STPG2: variants seen among roughly 807,000 people sequenced by gnomAD.
STPG2 encodes sperm tail PG-rich repeat containing 2.
In STPG2, 56 loss-of-function variants were observed where a neutral mutation model predicts 54.2. The observed-to-expected ratio is 1.03, with a 90% confidence interval of 0.83 to 1.29. The LOEUF (loss-of-function observed/expected upper bound fraction) is 1.29, where lower values mean the gene tolerates loss of function less well. Ranked by LOEUF, STPG2 falls within the 50% of genes most tolerant of loss-of-function variation. STPG2 has a pLI of 0.00. For synonymous variants in STPG2, 200 were observed against 181.8 expected (o/e 1.10, Z -0.81); for missense variants, 596 against 544.9 (o/e 1.09, Z -0.93).
chr4:97,887,260 C>T (rs565613136), intron 8 of STPG2, among the ~76,000 whole-genome samples: 35 of 152,190 alleles, frequency 2.3e-4, no homozygotes, highest in African/African-American at 7.9e-4. Flanking sequence ...CACAAGGAGA[C>T]AGGAAGATGA....
intron 9 of STPG2, among the ~76,000 whole-genome samples, chr4:97,757,936 T>C (rs1725780670): frequency 6.6e-6 from 1 of 152,198 alleles, no homozygotes; most frequent in African/African-American, 2.4e-5. Context: ...AAATTTCTGC[T>C]TTACAAAGTT....
At chr4:97,839,085 A>T (rs1190363242) in intron 9 of STPG2, among the ~76,000 whole-genome samples, 1 of 151,606 alleles carries the variant, frequency 6.6e-6, no homozygotes, top group African/African-American at 2.4e-5. Context: ...AAATGAATAC[A>T]TTTCCCTTAC....
intron 10 of STPG2, among the ~76,000 whole-genome samples, chr4:97,638,539 C>T (rs1250345789): frequency 1.3e-5 from 2 of 151,556 alleles, no homozygotes; most frequent in Non-Finnish European, 2.9e-5. Context: ...AAAGAAACTA[C>T]CATCAGAGTG....
intron 10 of STPG2, among the ~76,000 whole-genome samples, chr4:97,704,532 A>G (rs1723882347): frequency 6.6e-6 from 1 of 152,200 alleles, no homozygotes; most frequent in Admixed American, 6.6e-5. Flanking sequence ...TGTCAGAAGA[A>G]ATGAAGGAAA....
chr4:97,921,618 AACCT>A (rs1230878393), intron 8 of STPG2, among the ~76,000 whole-genome samples: 10 of 152,022 alleles, frequency 6.6e-5, no homozygotes, highest in Admixed American at 1.3e-4. Flanking sequence ...GAAAGCAAAA[AACCT>A]ACAAGACATA....
chr4:98,139,385 T>G (rs1417600530), intron 1 of STPG2, among the ~76,000 whole-genome samples: 1 of 152,132 alleles, frequency 6.6e-6, no homozygotes, highest in African/African-American at 2.4e-5. Flanking sequence ...TATCTAAGGC[T>G]CTAAGGTCTT....
At chr4:98,141,877 GC>G (rs1740291422) in intron 1 of STPG2, among the ~76,000 whole-genome samples, 1 of 143,116 alleles carries the variant, frequency 7.0e-6, no homozygotes, top group African/African-American at 2.7e-5. Flanking sequence ...CCCTGATTCG[GC>G]ATTTAACAAA....
rs572238212 is a variant in STPG2, at chr4:98,010,981, T to C, written c.613-29663A>G. On this transcript the variant is annotated intron_variant, in intron 5 of 10. Transcript: ENST00000295268. Reference sequence around the variant, plus strand: ...TGTAATTTTTTTATTTGACTTTAAGTTCTGGGATACATGTGCAGAACGTGC... The same window carrying C: ...TGTAATTTTTTTATTTGACTTTAAGCTCTGGGATACATGTGCAGAACGTGC... 3.3e-5 allele frequency among the ~76,000 whole-genome samples: 5 copies of C among 152,294 alleles called. No individual in the cohort carries two copies. The South Asian group carries it at 8.3e-4, about 25-fold the overall frequency.
intron 5 of STPG2, among the ~76,000 whole-genome samples, chr4:98,097,897 A>C (rs1738908815): frequency 1.3e-5 from 2 of 152,204 alleles, no homozygotes; most frequent in African/African-American, 4.8e-5. Flanking sequence ...TTGAATACCT[A>C]GGAATTAACT....
chr4:97,958,794 G>A (rs537958143), intron 7 of STPG2, among the ~76,000 whole-genome samples: 10 of 152,194 alleles, frequency 6.6e-5, no homozygotes, highest in South Asian at 2.1e-4. Flanking sequence ...AGTACTTCAC[G>A]CACAGCACTA....
intron 7 of STPG2, among the ~76,000 whole-genome samples, chr4:97,968,027 G>C (rs1408757193): frequency 2.0e-5 from 3 of 151,998 alleles, no homozygotes; most frequent in Non-Finnish European, 4.4e-5. Flanking sequence ...AACTGAAGGA[G>C]AGAGAGAAAC....
intron 3 of STPG2, among the ~76,000 whole-genome samples, chr4:98,111,994 C>A (rs1224124146): frequency 1.3e-5 from 2 of 151,958 alleles, no homozygotes; most frequent in Non-Finnish European, 2.9e-5. Flanking sequence ...CATCAGCTCC[C>A]GTGGTTCTCA....
chr4:98,037,815 A>C (rs1053243610), intron 5 of STPG2, among the ~76,000 whole-genome samples: 1 of 152,136 alleles, frequency 6.6e-6, no homozygotes, highest in Non-Finnish European at 1.5e-5. Context: ...TTCATAAGAA[A>C]ATACAGATTT....
chr4:98,084,588 A>G (rs1560671856), intron 5 of STPG2, among the ~76,000 whole-genome samples: 1 of 152,168 alleles, frequency 6.6e-6, no homozygotes. Flanking sequence ...ATGTATGAAG[A>G]GTTCTAGTTG....
chr4:97,456,171 A>G (rs1274615942), intron 4 of STPG2, among the ~76,000 whole-genome samples: 3 of 152,218 alleles, frequency 2.0e-5, no homozygotes, highest in Non-Finnish European at 4.4e-5. Flanking sequence ...CATTGCCATA[A>G]AGAACTACCC....
chr4:97,850,295 A>T (rs1473566664), intron 8 of STPG2, among the ~76,000 whole-genome samples: 1,393 of 31,776 alleles, frequency 0.044, 24 homozygotes, highest in African/African-American at 0.19. Context: ...GGGGGAGGGA[A>T]AGAAAAATAA....
At position 97,972,516 on chromosome 4, in the gene STPG2, T is replaced by A. The variant is rs186947724; in HGVS notation, c.773-76A>T. ...ACCTTTTGAACTGAGTAATTTTTAA[T>A]TAAGGGTTTTTTTCTAAATAAAAAA... On this transcript the variant is annotated intron_variant, in intron 6 of 10. Transcript: ENST00000295268. 5.3e-5 allele frequency: 45 copies of A among 853,460 alleles called. 1 individual carries two copies. The Admixed American group carries it at 1.1e-3, about 21-fold the overall frequency. 52.9% of individuals were successfully genotyped at this position (853,460 alleles called of 1,614,324 possible).
At chr4:97,762,481 C>T (rs193044578) in intron 9 of STPG2, among the ~76,000 whole-genome samples, 260 of 152,230 alleles carry the variant, frequency 1.7e-3, no homozygotes, top group African/African-American at 5.9e-3. Flanking sequence ...CAGGATGCTT[C>T]CTCCCTATGA....
intron 5 of STPG2, among the ~76,000 whole-genome samples, chr4:98,021,208 G>C (rs1351209408): frequency 8.0e-6 from 1 of 124,982 alleles, no homozygotes; most frequent in Non-Finnish European, 1.8e-5. Context: ...CAGAGATTCT[G>C]GTATGTTGTG....
Sources: gnomAD v4.1 joint callset for allele counts (sites outside exome capture counted in the v4.1 genomes callset) on GRCh38, gnomAD v4.1.1 for gene constraint, MANE v1.5 for transcripts, NCBI Gene and HGNC (gene_info 2026-07-23, HGNC 2026-07-21) for gene names.